Variants in PRKG1 observed in about 807,000 individuals in gnomAD.
PRKG1 encodes cGMP-dependent protein kinase 1.
Under a neutral mutation model 88.1 loss-of-function variants are expected in PRKG1, and 35 were observed. The ratio of observed to expected loss-of-function variants is 0.40; its 90% CI spans 0.30 to 0.53. PRKG1 has a LOEUF of 0.53. Ranked by LOEUF, PRKG1 falls within the 20% of genes least tolerant of loss-of-function variation. PRKG1 has a pLI of 0.59. For missense variants in PRKG1, 540 were observed against 839.8 expected, an observed-to-expected ratio of 0.64 and a Z score of 4.41; for synonymous variants, 303 against 292.5, an observed-to-expected ratio of 1.04 and a Z score of -0.37.
intron 3 of PRKG1, among the ~76,000 whole-genome samples, chr10:51,581,851 A>G (rs1305956687): frequency 6.6e-6 from 1 of 151,978 alleles, no homozygotes; most frequent in Non-Finnish European, 1.5e-5. Flanking sequence ...TTCCATAGCA[A>G]TAGTTTCAGG....
intron 2 of PRKG1, among the ~76,000 whole-genome samples, chr10:51,163,462 G>A (rs76485043): frequency 6.6e-6 from 1 of 152,164 alleles, no homozygotes; most frequent in Non-Finnish European, 1.5e-5. Context: ...CATGAGCGAC[G>A]CAGAAGACGG....
chr10:51,969,694 A>C (rs1017615817), intron 5 of PRKG1, among the ~76,000 whole-genome samples: 7 of 152,070 alleles, frequency 4.6e-5, no homozygotes, highest in Admixed American at 4.6e-4. Context: ...GAAATGAGAA[A>C]GGCAAATCAA....
chr10:52,030,499 A>G (rs1023404913), intron 5 of PRKG1, among the ~76,000 whole-genome samples: 4 of 152,198 alleles, frequency 2.6e-5, no homozygotes, highest in African/African-American at 9.6e-5. Context: ...CTAGTACTCA[A>G]TGCATTCACA....
chr10:51,133,605 G>A (rs1441051954), intron 1 of PRKG1, among the ~76,000 whole-genome samples: 1 of 152,176 alleles, frequency 6.6e-6, no homozygotes, highest in African/African-American at 2.4e-5. Flanking sequence ...AACATTTACT[G>A]CCTGACTTTC....
intron 4 of PRKG1, among the ~76,000 whole-genome samples, chr10:51,824,218 T>C (rs1839827598): frequency 6.6e-6 from 1 of 152,100 alleles, no homozygotes. Flanking sequence ...TCCTTATAGG[T>C]CTTGGTGCTT....
chr10:52,086,132 A>C (rs1341964403), intron 7 of PRKG1, among the ~76,000 whole-genome samples: 1 of 151,960 alleles, frequency 6.6e-6, no homozygotes, highest in African/African-American at 2.4e-5. Context: ...AATGTGTACT[A>C]TGCTTTTAAT....
At chr10:51,374,093 A>ATATATATATATATATATATAT (rs1554801054) in intron 2 of PRKG1, among the ~76,000 whole-genome samples, 88 of 100,100 alleles carry the variant, frequency 8.8e-4, no homozygotes, top group Non-Finnish European at 1.3e-3. Context: ...AAAAAAAAAA[A>ATATATATATATATATATATAT]ATATATATAT....
intron 3 of PRKG1, among the ~76,000 whole-genome samples, chr10:51,585,086 G>T (rs1411292239): frequency 1.3e-5 from 2 of 152,026 alleles, no homozygotes; most frequent in Non-Finnish European, 2.9e-5. Flanking sequence ...GGTCTCTTCT[G>T]TCAAGAAATT....
chr10:51,409,445 G>A (rs1214909275), intron 2 of PRKG1, among the ~76,000 whole-genome samples: 1 of 152,146 alleles, frequency 6.6e-6, no homozygotes, highest in African/African-American at 2.4e-5. Flanking sequence ...CCCGCTTTAT[G>A]GCTAGATGGG....
intron 3 of PRKG1, among the ~76,000 whole-genome samples, chr10:51,712,480 C>A (rs552804432): frequency 1.0e-4 from 15 of 149,848 alleles, no homozygotes; most frequent in African/African-American, 3.7e-4. Context: ...AGTTTTGATG[C>A]TTATTTGCAA....
intron 3 of PRKG1, among the ~76,000 whole-genome samples, chr10:51,681,170 G>T (rs1215978227): frequency 6.6e-6 from 1 of 152,066 alleles, no homozygotes; most frequent in East Asian, 1.9e-4. Flanking sequence ...CTGTTGCAAT[G>T]AATTAATTAA....
intron 4 of PRKG1, among the ~76,000 whole-genome samples, chr10:51,886,187 G>C (rs558694436): frequency 6.6e-6 from 1 of 152,146 alleles, no homozygotes; most frequent in African/African-American, 2.4e-5. Flanking sequence ...ACCATGCCTG[G>C]CTCCCGAGTA....
At chr10:52,157,866 A>G (rs527903489) in intron 8 of PRKG1, among the ~76,000 whole-genome samples, 8 of 151,568 alleles carry the variant, frequency 5.3e-5, no homozygotes, top group Non-Finnish European at 8.9e-5. Context: ...CCATCATTAA[A>G]CATGAAAGGG....
intron 2 of PRKG1, among the ~76,000 whole-genome samples, chr10:51,445,941 A>G (rs1486002949): frequency 6.6e-6 from 1 of 151,932 alleles, no homozygotes; most frequent in Non-Finnish European, 1.5e-5. Context: ...CAATCAGCAA[A>G]CGTTTATCTA....
chr10:51,798,226 C>T (rs568315542), intron 3 of PRKG1, among the ~76,000 whole-genome samples: 2 of 151,990 alleles, frequency 1.3e-5, no homozygotes, highest in African/African-American at 4.8e-5. Flanking sequence ...ACCACCATAT[C>T]ATTTTCCACA....
intron 7 of PRKG1, among the ~76,000 whole-genome samples, chr10:52,074,624 G>T (rs1374280941): frequency 6.6e-6 from 1 of 152,124 alleles, no homozygotes; most frequent in Non-Finnish European, 1.5e-5. Context: ...TTGTGTCTCT[G>T]TCATTCTCAT....
intron 12 of PRKG1, among the ~76,000 whole-genome samples, chr10:52,273,183 A>G (rs1275872748): frequency 1.3e-5 from 2 of 152,056 alleles, no homozygotes; most frequent in Non-Finnish European, 2.9e-5. Flanking sequence ...AAATTATCTA[A>G]TTATCTTCTA....
At chr10:52,210,912 G>T (rs1238631712) in intron 9 of PRKG1, among the ~76,000 whole-genome samples, 1 of 152,080 alleles carries the variant, frequency 6.6e-6, no homozygotes, top group South Asian at 2.1e-4. Flanking sequence ...ACATCAATGA[G>T]TCAATATACT....
At position 51,352,667 on chromosome 10, in the gene PRKG1, C is replaced by T. The variant is rs1033125966; in HGVS notation, c.479-115056C>T. On this transcript the variant is annotated intron_variant, in intron 2 of 17. Transcript: ENST00000373980. ...AATAAATATCATTAAAATGTCTATA[C>T]TACCCAAACCAAATACTACTCAAAG... Among the ~76,000 whole-genome samples the T allele has an allele frequency of 7.2e-5, 11 of 152,016 alleles. 1 individual carries two copies. In the East Asian group the frequency reaches 1.9e-3, roughly 27 times the overall value.
Sources: gnomAD v4.1 joint callset for allele counts (sites outside exome capture counted in the v4.1 genomes callset) on GRCh38, gnomAD v4.1.1 for gene constraint, MANE v1.5 for transcripts, NCBI Gene and HGNC (gene_info 2026-07-23, HGNC 2026-07-21) for gene names.